Variants in EYS observed in about 807,000 individuals in gnomAD.
The protein encoded by EYS is EGF-like photoreceptor maintenance factor.
Under a neutral mutation model 282.1 loss-of-function variants are expected in EYS, and 250 were observed. The observed-to-expected ratio is 0.89, with a 90% CI of 0.80 to 0.98. The LOEUF is 0.98. EYS is among the 50% of genes least tolerant of loss of function. EYS has a pLI of 0.00. For missense variants in EYS, 4,016 were observed against 3,709.0 expected (o/e 1.08, Z -2.15); for synonymous variants, 1,355 against 1,282.9 (o/e 1.06, Z -1.20).
intron 41 of EYS, among the ~76,000 whole-genome samples, chr6:63,732,962 A>G (rs955812806): frequency 6.6e-6 from 1 of 152,184 alleles, no homozygotes; most frequent in Non-Finnish European, 1.5e-5. Context: ...GGAGAAAGGC[A>G]TGTATGCATG....
At chr6:65,654,294 T>A (rs1230779107) in intron 1 of EYS, among the ~76,000 whole-genome samples, 1 of 151,848 alleles carries the variant, frequency 6.6e-6, no homozygotes, top group Non-Finnish European at 1.5e-5. Flanking sequence ...TAATAGTTAC[T>A]CACAGACCTG....
At chr6:63,786,636 A>G (rs1770368932) in intron 39 of EYS, among the ~76,000 whole-genome samples, 3 of 152,136 alleles carry the variant, frequency 2.0e-5, no homozygotes, top group Admixed American at 2.0e-4. Context: ...AACCACCATG[A>G]CACATGTATA....
chr6:65,165,972 A>G lies in EYS; in HGVS notation c.2024-108245T>C, dbSNP rs573438167. The stretch of plus-strand genomic sequence containing the variant: ...TCCCTAAATGAAATCAAGTCCCATT[A>G]GCAACATCTTCAAAAATAATAAAGG... On this transcript the variant is annotated intron_variant, in intron 12 of 42. Coordinates refer to ENST00000503581, the MANE Select transcript of EYS (RefSeq NM_001142800.2). 6.2e-4 allele frequency among the ~76,000 whole-genome samples: 94 copies of G among 151,270 alleles called. 1 individual carries two copies. The highest frequency in any genetic ancestry group is 2.2e-3 in the African/African-American group (90 of 41,444).
Position 65,283,326 on chromosome 6 carries a change from T to A in EYS, c.2023+12537A>T, listed in dbSNP as rs186277584. Among the ~76,000 whole-genome samples the A allele has an allele frequency of 3.7e-3, 564 of 152,078 alleles. 3 individuals carry two copies. The highest frequency in any genetic ancestry group is 0.011 in the African/African-American group (473 of 41,552). ...AGCTCATGATGTTAAACCAGATACA[T>A]TGATATTTATTTTATAATTCCAAAT... On this transcript the variant is annotated intron_variant, in intron 12 of 42. Coordinates refer to ENST00000503581, the MANE Select transcript of EYS (RefSeq NM_001142800.2).
chr6:65,468,926 T>C (rs1241227028), intron 5 of EYS, among the ~76,000 whole-genome samples: 1 of 152,110 alleles, frequency 6.6e-6, no homozygotes, highest in South Asian at 2.1e-4. Flanking sequence ...AATATCTCAC[T>C]CTTTTTAATA....
chr6:64,798,841 T>A (rs1179803122), intron 22 of EYS, among the ~76,000 whole-genome samples: 1 of 151,822 alleles, frequency 6.6e-6, no homozygotes, highest in Non-Finnish European at 1.5e-5. Context: ...ATAATAGACT[T>A]TTCATTCTAC....
chr6:64,048,903 CT>C (rs70999133), intron 33 of EYS, among the ~76,000 whole-genome samples: 32,041 of 151,834 alleles, frequency 0.21, 3,606 homozygotes, highest in Middle Eastern at 0.34. Context: ...TCCTGCCATT[CT>C]TTTCCCCCCC....
chr6:65,706,427 A>G (rs1769881746), intron 1 of EYS, among the ~76,000 whole-genome samples: 1 of 152,146 alleles, frequency 6.6e-6, no homozygotes, highest in Admixed American at 6.5e-5. Context: ...TTATTGAACC[A>G]TAAATCTCCT....
At chr6:64,311,058 ATAAT>A (rs890146485) in intron 29 of EYS, among the ~76,000 whole-genome samples, 11 of 151,980 alleles carry the variant, frequency 7.2e-5, no homozygotes, top group African/African-American at 1.9e-4. Context: ...TTAAATAAAA[ATAAT>A]TTATTAAAAT....
intron 29 of EYS, among the ~76,000 whole-genome samples, chr6:64,339,651 G>T (rs1317951348): frequency 6.6e-6 from 1 of 151,828 alleles, no homozygotes; most frequent in Admixed American, 6.6e-5. Flanking sequence ...AGGAAAAGAA[G>T]TCATTATACA....
intron 12 of EYS, among the ~76,000 whole-genome samples, chr6:65,091,487 C>A (rs1177323522): frequency 8.9e-6 from 1 of 112,354 alleles, no homozygotes; most frequent in Non-Finnish European, 1.9e-5. Context: ...AAATAAATAA[C>A]TGCTTAATAA....
intron 2 of EYS, among the ~76,000 whole-genome samples, chr6:65,499,765 GA>G (rs960230153): frequency 1.3e-5 from 2 of 151,738 alleles, no homozygotes; most frequent in East Asian, 3.9e-4. Flanking sequence ...CTAGAAAAGG[GA>G]AAAAAATGGT....
chr6:63,960,592 C>T (rs1305145358), intron 35 of EYS, among the ~76,000 whole-genome samples: 1 of 152,118 alleles, frequency 6.6e-6, no homozygotes, highest in Non-Finnish European at 1.5e-5. Context: ...CAAGAAGAGT[C>T]AATGTGACAA....
chr6:64,918,520 T>C (rs1160605032), intron 15 of EYS, among the ~76,000 whole-genome samples: 2 of 152,216 alleles, frequency 1.3e-5, no homozygotes, highest in Non-Finnish European at 2.9e-5. Context: ...TGGATTAACA[T>C]AGGGACAGCT....
At chr6:63,738,770 A>C (rs1358200560) in intron 41 of EYS, among the ~76,000 whole-genome samples, 1 of 152,142 alleles carries the variant, frequency 6.6e-6, no homozygotes, top group African/African-American at 2.4e-5. Context: ...ATATATACAC[A>C]CATAAAAAAA....
chr6:65,299,850 T>C (rs1340350391), intron 11 of EYS, among the ~76,000 whole-genome samples: 2 of 152,092 alleles, frequency 1.3e-5, no homozygotes, highest in Non-Finnish European at 2.9e-5. Context: ...GAGAAGTATT[T>C]ACATTTCTTA....
At chr6:65,577,125 G>A (rs1764698163) in intron 2 of EYS, among the ~76,000 whole-genome samples, 1 of 151,722 alleles carries the variant, frequency 6.6e-6, no homozygotes, top group Admixed American at 6.6e-5. Context: ...GCAATCTTGA[G>A]TAAAAAGAAC....
chr6:64,995,279 C>T (rs1771212509), intron 14 of EYS, among the ~76,000 whole-genome samples: 1 of 152,112 alleles, frequency 6.6e-6, no homozygotes, highest in Non-Finnish European at 1.5e-5. Context: ...ATTTTAAGTA[C>T]TTTTCATGCA....
Position 64,486,749 on chromosome 6 carries a change from T to C in EYS, c.5645-47397A>G, listed in dbSNP as rs1001103673. Among the ~76,000 whole-genome samples, 31 of 151,268 alleles carry C rather than the reference T, an allele frequency of 2.0e-4. 2 individuals are homozygous for C. The highest frequency in any genetic ancestry group is 2.0e-3 in the Admixed American group (30 of 15,116). On this transcript the variant is annotated intron_variant, in intron 26 of 42. Transcript: ENST00000503581. ...TGAATCCCCAAGGAACCCTAAAGGG[T>C]CATCTAATTCAGCCTGTGGCTGCCT...
Sources: allele counts gnomAD v4.1 joint callset (sites outside exome capture counted in the v4.1 genomes callset), GRCh38; gene constraint gnomAD v4.1.1; transcripts MANE v1.5; gene names NCBI Gene and HGNC (gene_info 2026-07-23, HGNC 2026-07-21).